CEP128: variants seen among roughly 807,000 people sequenced by gnomAD.
CEP128 encodes centrosomal protein 128, also known as centrosomal protein 128kDa.
A neutral mutation model predicts 156.7 loss-of-function variants in CEP128; 132 were observed. That is an observed-to-expected ratio of 0.84 (90% confidence interval 0.73 to 0.97). The LOEUF (loss-of-function observed/expected upper bound fraction) is 0.97. Ranked by LOEUF, CEP128 falls within the 50% of genes least tolerant of loss-of-function variation. The pLI, the probability that CEP128 is intolerant of heterozygous loss-of-function variation, is 0.00. For synonymous variants in CEP128, 469 were observed against 448.9 expected, an observed-to-expected ratio of 1.04 and a Z score of -0.57; for missense variants, 1,252 against 1,281.9, an observed-to-expected ratio of 0.98 and a Z score of 0.36.
In CEP128 at chr14:80,946,919, A is replaced by G. The variant is rs371043523; in HGVS notation, c.-171-7379T>C. ...GGATTTCCCCCTTGCTGTTCTCATA[A>G]TAGTGAGTGAGTTATCACAAGAACT... On this transcript the variant is annotated intron_variant, in intron 2 of 7. Coordinates refer to the CEP128 transcript ENST00000555529. Among the ~76,000 whole-genome samples, 17 of 152,334 alleles carry G rather than the reference A, an allele frequency of 1.1e-4. No individual in the cohort carries two copies. The East Asian group carries it at 2.9e-3, about 26-fold the overall frequency.
At chr14:80,663,517 T>C (rs1895483723) in intron 19 of CEP128, among the ~76,000 whole-genome samples, 1 of 152,180 alleles carries the variant, frequency 6.6e-6, no homozygotes, top group African/African-American at 2.4e-5. Context: ...AATTTGCTAT[T>C]TTCCAGCCAC....
At chr14:80,821,592 TACAC>T (rs1347612289) in intron 13 of CEP128, among the ~76,000 whole-genome samples, 1 of 80,024 alleles carries the variant, frequency 1.2e-5, no homozygotes, top group Non-Finnish European at 2.5e-5. Flanking sequence ...GTCACACACA[TACAC>T]ACATACACAC....
At chr14:80,740,929 A>C (rs1001888917) in intron 19 of CEP128, among the ~76,000 whole-genome samples, 5 of 152,254 alleles carry the variant, frequency 3.3e-5, no homozygotes, top group African/African-American at 9.6e-5. Flanking sequence ...TGAAGGTCCC[A>C]CCTAATAAAA....
At chr14:80,555,524 A>C (rs1890393859) in intron 21 of CEP128, among the ~76,000 whole-genome samples, 1 of 152,190 alleles carries the variant, frequency 6.6e-6, no homozygotes, top group Non-Finnish European at 1.5e-5. Flanking sequence ...GTCATTTGTA[A>C]CTTCTTGTTC....
intron 19 of CEP128, among the ~76,000 whole-genome samples, chr14:80,661,831 A>C (rs1595171090): frequency 6.6e-6 from 1 of 152,202 alleles, no homozygotes; most frequent in South Asian, 2.1e-4. Context: ...AATGAGATTT[A>C]AAAAATGATC....
chr14:80,678,515 G>A (rs1005899662), intron 19 of CEP128, among the ~76,000 whole-genome samples: 13 of 152,244 alleles, frequency 8.5e-5, no homozygotes, highest in African/African-American at 2.2e-4. Context: ...AACTATGTGC[G>A]CTTTAATTCC....
chr14:80,944,819 T>A (rs1329627641), upstream of CEP128, among the ~76,000 whole-genome samples: 1 of 41,122 alleles, frequency 2.4e-5, no homozygotes, highest in Non-Finnish European at 4.4e-5. Flanking sequence ...CAAGAGTCTG[T>A]CTCAAAAAAA....
At chr14:80,564,781 A>C (rs1890840971) in intron 20 of CEP128, among the ~76,000 whole-genome samples, 1 of 152,140 alleles carries the variant, frequency 6.6e-6, no homozygotes, top group African/African-American at 2.4e-5. Flanking sequence ...AATTTAGGGC[A>C]GGCGCAGTGG....
intron 8 of CEP128, among the ~76,000 whole-genome samples, chr14:80,866,254 C>A (rs373584306): frequency 2.4e-4 from 37 of 152,256 alleles, no homozygotes; most frequent in African/African-American, 7.5e-4. Flanking sequence ...GCTCTAGTCT[C>A]ACCACAGTGC....
intron 12 of CEP128, among the ~76,000 whole-genome samples, chr14:80,832,950 A>G (rs1174086199): frequency 6.6e-6 from 1 of 152,166 alleles, no homozygotes; most frequent in Non-Finnish European, 1.5e-5. Flanking sequence ...TTCTGTCATA[A>G]CTACTCAATT....
intron 13 of CEP128, among the ~76,000 whole-genome samples, chr14:80,819,458 G>A (rs920048483): frequency 2.0e-5 from 3 of 151,952 alleles, no homozygotes; most frequent in East Asian, 1.9e-4. Flanking sequence ...GTGTTAGCCA[G>A]GATGGTTTCG....
chr14:80,635,418 C>A (rs28517524), intron 19 of CEP128, among the ~76,000 whole-genome samples: 13,020 of 152,028 alleles, frequency 0.086, 1,755 homozygotes, highest in African/African-American at 0.29. Flanking sequence ...AACAAAAAAA[C>A]CCCCAAATAA....
chr14:80,913,786 A>G (rs6574610), intron 4 of CEP128, among the ~76,000 whole-genome samples: 73,538 of 150,794 alleles, frequency 0.49, 18,424 homozygotes, highest in South Asian at 0.56. Context: ...GGTTGGGAGC[A>G]GGGTAAAAGA....
In CEP128 at chr14:80,629,305, A is replaced by G. The variant is rs185271182; in HGVS notation, c.2807-48882T>C. On this transcript the variant is annotated intron_variant, in intron 19 of 24. Coordinates refer to ENST00000555265, the MANE Select transcript of CEP128 (RefSeq NM_152446.5). ...CTGTAAAATATACATAAGAATTTGT[A>G]TCTTGAAGAGTTGTAGTGAAGATTA... Among the ~76,000 whole-genome samples, 392 of 152,256 alleles carry G rather than the reference A, an allele frequency of 2.6e-3. 2 individuals carry two copies. Among genetic ancestry groups the G allele is most frequent in the Non-Finnish European group, 4.1e-3 (280 of 67,998 alleles).
intron 19 of CEP128, among the ~76,000 whole-genome samples, chr14:80,593,990 C>T (rs1892204012): frequency 6.6e-6 from 1 of 152,126 alleles, no homozygotes; most frequent in African/African-American, 2.4e-5. Context: ...TCATATGGAA[C>T]CAAAATATAA....
intron 19 of CEP128, among the ~76,000 whole-genome samples, chr14:80,582,913 T>C (rs571646383): frequency 3.2e-4 from 49 of 152,174 alleles, no homozygotes; most frequent in Non-Finnish European, 5.1e-4. Context: ...ACTGGAGTGA[T>C]ACATAGTGGG....
intron 3 of CEP128, among the ~76,000 whole-genome samples, chr14:80,915,820 C>T (rs894250534): frequency 1.3e-5 from 2 of 152,238 alleles, no homozygotes; most frequent in African/African-American, 4.8e-5. Context: ...CACCACCTAT[C>T]ACATATTTCA....
intron 10 of CEP128, among the ~76,000 whole-genome samples, chr14:80,839,427 T>C (rs944870888): frequency 2.6e-5 from 4 of 152,166 alleles, no homozygotes; most frequent in Admixed American, 1.3e-4. Flanking sequence ...CTTGTGGTGA[T>C]AGAACAGTTC....
intron 7 of CEP128, among the ~76,000 whole-genome samples, chr14:80,896,383 C>G (rs1889351848): frequency 6.6e-6 from 1 of 152,204 alleles, no homozygotes; most frequent in African/African-American, 2.4e-5. Context: ...TCTGGCTGCA[C>G]TTCCCTCTGT....
Sources: allele counts gnomAD v4.1 joint callset (sites outside exome capture counted in the v4.1 genomes callset), GRCh38; gene constraint gnomAD v4.1.1; transcripts MANE v1.5; gene names NCBI Gene and HGNC (gene_info 2026-07-23, HGNC 2026-07-21).